The following HIVEP3 variants were observed in gnomAD, a reference collection of about 807,000 sequenced individuals.
HIVEP3 encodes HIVEP zinc finger 3, also known as transcription factor HIVEP3.
In HIVEP3, 49 loss-of-function variants were observed where a neutral mutation model predicts 152.8. The ratio of observed to expected loss-of-function variants is 0.32; its 90% CI spans 0.26 to 0.41. The LOEUF is 0.41. Ranked by LOEUF, HIVEP3 falls within the 10% of genes least tolerant of loss-of-function variation. The probability of loss-of-function intolerance (pLI) is 1.00; values close to 1 mark genes in which losing one functional copy is unlikely to be tolerated. For missense variants in HIVEP3, 2,790 were observed against 3,103.3 expected, an observed-to-expected ratio of 0.90 and a Z score of 2.40; for synonymous variants, 1,269 against 1,289.0, an observed-to-expected ratio of 0.98 and a Z score of 0.33.
chr1:41,799,125 A>T (rs1042772212), intron 1 of HIVEP3, among the ~76,000 whole-genome samples: 1 of 152,236 alleles, frequency 6.6e-6, no homozygotes, highest in Non-Finnish European at 1.5e-5. Context: ...TATTTCCTCA[A>T]CTTATTTAGT....
intron 1 of HIVEP3, among the ~76,000 whole-genome samples, chr1:41,829,989 A>G (rs946888214): frequency 2.0e-5 from 3 of 152,226 alleles, no homozygotes; most frequent in African/African-American, 7.2e-5. Context: ...AAGCTAATCA[A>G]ATGGGTTTAT....
At chr1:41,569,255 A>G (rs1251120882) in intron 5 of HIVEP3, among the ~76,000 whole-genome samples, 1 of 152,164 alleles carries the variant, frequency 6.6e-6, no homozygotes. Flanking sequence ...TGACCACTTA[A>G]AAGACTTTAA....
At position 41,510,565 on chromosome 1, in the gene HIVEP3, C is replaced by T. The variant is rs377134021; in HGVS notation, c.7107G>A (p.Thr2369=). The part of the protein sequence containing the change: ...AEASARFPAR[T]RNLSGEPRTR... ...TCCTGGGTTCCCCGGAGAGGTTCCTCGTCCGGGCTGGGAAGCGGGCAGAGG... is the reference window on the plus strand; with the variant it reads ...TCCTGGGTTCCCCGGAGAGGTTCCTTGTCCGGGCTGGGAAGCGGGCAGAGG... The change falls in exon 9 of 9, where the codon ACG becomes ACA. Residue 2369 remains threonine (T), a synonymous_variant. Transcript: ENST00000372583. 43 of 1,566,428 alleles carry T rather than the reference C, an allele frequency of 2.7e-5. No homozygotes were observed. In the African/African-American group the frequency reaches 3.1e-4, roughly 11 times the overall value.
chr1:41,758,582 A>C (rs571739192), intron 1 of HIVEP3, among the ~76,000 whole-genome samples: 93 of 152,346 alleles, frequency 6.1e-4, no homozygotes, highest in Non-Finnish European at 1.2e-3. Context: ...CCAGAACCCA[A>C]GTTCTAGAGA....
chr1:41,581,312 G>T lies in HIVEP3; in HGVS notation c.3486C>A (p.Phe1162Leu), dbSNP rs1294863312. The T allele has an allele frequency of 3.1e-6, 5 of 1,613,386 alleles. No homozygotes were observed. Among genetic ancestry groups the T allele is most frequent in the Non-Finnish European group, 3.4e-6 (4 of 1,179,706 alleles). The change falls in exon 4 of 9, where the codon TTC becomes TTA. Residue 1162 changes from phenylalanine (F) to leucine (L), a missense_variant. Physicochemically the swap from Phe to Leu is conservative, Grantham distance 22. Around this residue, in one of 9 missense-constraint regions of HIVEP3, gnomAD observed 1,078 missense variants for 1,165.3 expected, o/e 0.93. Coordinates refer to ENST00000372583, the MANE Select transcript of HIVEP3 (RefSeq NM_024503.5). The surrounding 1 kb of genome is among the most constrained non-coding windows in gnomAD (Gnocchi z 4.5). ...GGCTGGACATGGCCTGGGTGGAGAA[G>T]AATTCTGGAGACTGTCCTGGCTCAT... ...VQHEPGQSPE[F>L]FSTQAMSSLL...
intron 1 of HIVEP3, among the ~76,000 whole-genome samples, chr1:41,805,599 G>A (rs1268078388): frequency 6.6e-6 from 1 of 152,232 alleles, no homozygotes; most frequent in Admixed American, 6.5e-5. Context: ...TAGGGTTGCA[G>A]TGAGGACGAA....
At chr1:41,742,228 G>C (rs1647007901) in intron 1 of HIVEP3, among the ~76,000 whole-genome samples, 1 of 151,906 alleles carries the variant, frequency 6.6e-6, no homozygotes, top group African/African-American at 2.4e-5. Flanking sequence ...CCATCTATCT[G>C]TCCAACCGTC....
intron 1 of HIVEP3, among the ~76,000 whole-genome samples, chr1:41,926,336 A>C (rs1005653991): frequency 2.0e-5 from 3 of 152,126 alleles, no homozygotes; most frequent in African/African-American, 7.2e-5. Flanking sequence ...ATTTAGCCCT[A>C]TTATGTTTCA....
At chr1:41,905,240 C>G (rs1479510357) in intron 1 of HIVEP3, among the ~76,000 whole-genome samples, 1 of 152,034 alleles carries the variant, frequency 6.6e-6, no homozygotes, top group Non-Finnish European at 1.5e-5. Context: ...GAAACAGAAA[C>G]AGAACTTTAG....
chr1:41,922,099 C>T (rs1487645768), upstream of HIVEP3, among the ~76,000 whole-genome samples: 2 of 152,188 alleles, frequency 1.3e-5, no homozygotes, highest in African/African-American at 2.4e-5. Context: ...AAGAACATTT[C>T]CTTAACCTGA....
At chr1:41,856,493 C>T (rs909926464) in intron 1 of HIVEP3, among the ~76,000 whole-genome samples, 1 of 152,158 alleles carries the variant, frequency 6.6e-6, no homozygotes, top group Non-Finnish European at 1.5e-5. Context: ...TCTCCAAAAA[C>T]ATTACAATCA....
intron 1 of HIVEP3, among the ~76,000 whole-genome samples, chr1:41,973,907 T>C (rs1386763664): frequency 1.3e-5 from 2 of 152,098 alleles, no homozygotes; most frequent in Non-Finnish European, 2.9e-5. Context: ...AGAAGGTCAT[T>C]GAAAATGTCA....
At chr1:41,617,527 T>A (rs745794300) in intron 3 of HIVEP3, among the ~76,000 whole-genome samples, 49 of 152,374 alleles carry the variant, frequency 3.2e-4, no homozygotes, top group Non-Finnish European at 5.9e-4. Context: ...AAGGGCTGCA[T>A]GCTCCTGAGG....
intron 2 of HIVEP3, among the ~76,000 whole-genome samples, chr1:41,657,333 A>G (rs1645643573): frequency 6.6e-6 from 1 of 152,158 alleles, no homozygotes; most frequent in South Asian, 2.1e-4. Flanking sequence ...TCGATGTCAG[A>G]GGCATGGGAA....
At chr1:41,707,463 G>T (rs1646451365) in intron 1 of HIVEP3, among the ~76,000 whole-genome samples, 2 of 152,266 alleles carry the variant, frequency 1.3e-5, no homozygotes. Context: ...TTCTGGAGCA[G>T]TTTCAAAGTC....
intron 1 of HIVEP3, among the ~76,000 whole-genome samples, chr1:41,974,477 T>G (rs1196787420): frequency 1.3e-5 from 1 of 77,694 alleles, no homozygotes; most frequent in Non-Finnish European, 2.8e-5. Context: ...ATAACCCCAC[T>G]CCACCCCCTA....
chr1:41,822,688 T>A (rs927705606), intron 1 of HIVEP3, among the ~76,000 whole-genome samples: 1 of 152,190 alleles, frequency 6.6e-6, no homozygotes, highest in East Asian at 1.9e-4. Flanking sequence ...GGGTTATCAG[T>A]GTAGTTTCTC....
At chr1:41,791,195 T>C (rs1240379121) in intron 1 of HIVEP3, among the ~76,000 whole-genome samples, 1 of 151,374 alleles carries the variant, frequency 6.6e-6, no homozygotes, top group East Asian at 1.9e-4. Context: ...TCAGGTCCGC[T>C]CACTGTTCCT....
rs1340013902 is a variant in HIVEP3 at position 41,510,230 on chromosome 1, A to T, written c.*221T>A. 4.0e-5 allele frequency: 15 copies of T among 376,576 alleles called. No homozygotes were observed. The highest frequency in any genetic ancestry group is 4.2e-5 in the African/African-American group (2 of 47,198). The allele number at this position is 376,576 out of a possible 1,614,324, so 23.3% of individuals were successfully genotyped here. A position where few individuals can be genotyped will look rare whatever the true frequency, so the allele number is the denominator to read the frequency against. On this transcript the variant is annotated 3_prime_UTR_variant, in exon 9 of 9. Coordinates refer to ENST00000372583, the MANE Select transcript of HIVEP3 (RefSeq NM_024503.5). ...CCTCGTGGGTTGTTGTTTTTTTTTTAAATGTATGTATGTGATTTGTTTTGT... is the reference window on the plus strand; with the variant it reads ...CCTCGTGGGTTGTTGTTTTTTTTTTTAATGTATGTATGTGATTTGTTTTGT...
Sources: gnomAD v4.1 joint callset for allele counts (sites outside exome capture counted in the v4.1 genomes callset) on GRCh38, gnomAD v4.1.1 for gene constraint, gnomAD v4.1.1 regional missense constraint, Gnocchi (gnomAD v3.1) non-coding constraint, MANE v1.5 for transcripts, NCBI Gene and HGNC (gene_info 2026-07-23, HGNC 2026-07-21) for gene names.